EPM2A: variants seen among roughly 807,000 people sequenced by gnomAD.
The protein encoded by EPM2A is laforin.
Under a neutral mutation model 26.5 loss-of-function variants are expected in EPM2A, and 21 were observed. That is an observed-to-expected ratio of 0.79 (90% CI 0.56 to 1.14). EPM2A has a LOEUF of 1.14. Ranked by LOEUF, EPM2A falls within the 50% of genes most tolerant of loss-of-function variation. EPM2A has a pLI of 0.00. For synonymous variants in EPM2A, 217 were observed against 177.6 expected (o/e 1.22, Z -1.76); for missense variants, 458 against 440.8 (o/e 1.04, Z -0.35).
At chr6:145,660,875 C>T (rs1778652605) in intron 2 of EPM2A, among the ~76,000 whole-genome samples, 1 of 152,114 alleles carries the variant, frequency 6.6e-6, no homozygotes, top group Non-Finnish European at 1.5e-5. Context: ...GTCACCTAAT[C>T]AGCATATTTA....
downstream of EPM2A, among the ~76,000 whole-genome samples, chr6:145,620,788 G>T (rs890202705): frequency 2.6e-5 from 4 of 152,010 alleles, no homozygotes; most frequent in African/African-American, 9.7e-5. Context: ...ATTGCATATT[G>T]TTCAGTTTTT....
At chr6:145,490,718 A>G (rs1779743458) in intron 4 of EPM2A, 2 of 567,644 alleles carry the variant, frequency 3.5e-6, no homozygotes, top group African/African-American at 1.9e-5. Flanking sequence ...GAACCATTAC[A>G]TTTCTCACAA....
chr6:145,399,891 C>T (rs138271134), intron 4 of EPM2A, among the ~76,000 whole-genome samples: 3 of 152,302 alleles, frequency 2.0e-5, no homozygotes, highest in Non-Finnish European at 4.4e-5. Flanking sequence ...ATCCATTTTA[C>T]AAATCCTGCT....
chr6:145,672,856 T>C (rs539046438), intron 2 of EPM2A, among the ~76,000 whole-genome samples: 4 of 152,200 alleles, frequency 2.6e-5, no homozygotes, highest in South Asian at 2.1e-4. Flanking sequence ...AAAAAAGTAG[T>C]ATAGAAGGAA....
chr6:145,711,882 G>A (rs1176681697), intron 1 of EPM2A, among the ~76,000 whole-genome samples: 1 of 152,072 alleles, frequency 6.6e-6, no homozygotes, highest in Admixed American at 6.6e-5. Context: ...GAAAAACTAT[G>A]CACAGGTTTC....
intron 4 of EPM2A, among the ~76,000 whole-genome samples, chr6:145,423,673 G>A (rs775599674): frequency 5.3e-5 from 8 of 152,182 alleles, no homozygotes; most frequent in African/African-American, 1.4e-4. Context: ...GCCCACTCCC[G>A]GTGACCTTGC....
intron 4 of EPM2A, among the ~76,000 whole-genome samples, chr6:145,457,149 T>C (rs556487320): frequency 5.9e-5 from 9 of 152,268 alleles, no homozygotes; most frequent in African/African-American, 1.9e-4. Flanking sequence ...AAGCACAAAA[T>C]TAATTTGCCC....
chr6:145,615,369 C>T (rs113222776), intron 2 of EPM2A, among the ~76,000 whole-genome samples: 10,211 of 152,184 alleles, frequency 0.067, 1,156 homozygotes, highest in African/African-American at 0.23. Flanking sequence ...TTGTGAGGCC[C>T]TCCCAGCCAC....
downstream of EPM2A, among the ~76,000 whole-genome samples, chr6:145,624,360 TC>T (rs1775702046): frequency 6.6e-6 from 1 of 152,172 alleles, no homozygotes; most frequent in African/African-American, 2.4e-5. Context: ...AAGACACTGG[TC>T]TTTGCTTTTT....
intron 2 of EPM2A, among the ~76,000 whole-genome samples, chr6:145,517,345 A>G (rs1335530646): frequency 6.6e-6 from 1 of 151,008 alleles, no homozygotes; most frequent in Non-Finnish European, 1.5e-5. Flanking sequence ...ATGTGTTCTT[A>G]CCAAAATAAA....
intron 4 of EPM2A, among the ~76,000 whole-genome samples, chr6:145,402,868 T>C (rs908214279): frequency 6.6e-6 from 1 of 152,192 alleles, no homozygotes; most frequent in African/African-American, 2.4e-5. Flanking sequence ...ATGTCTGAGT[T>C]ACTTTCTATG....
At chr6:145,393,252 TA>T (rs1281423675) in intron 4 of EPM2A, among the ~76,000 whole-genome samples, 1 of 152,034 alleles carries the variant, frequency 6.6e-6, no homozygotes, top group Non-Finnish European at 1.5e-5. Context: ...TTACCAGGAA[TA>T]AACTGCAAAA....
At chr6:145,576,371 GC>G (rs66947489) in intron 2 of EPM2A, among the ~76,000 whole-genome samples, 54,988 of 151,972 alleles carry the variant, frequency 0.36, 10,398 homozygotes, top group South Asian at 0.51. Flanking sequence ...TGGAAATGAG[GC>G]CTTAGGGGCA....
intron 2 of EPM2A, among the ~76,000 whole-genome samples, chr6:145,671,833 A>G (rs1236479843): frequency 6.6e-6 from 1 of 152,244 alleles, no homozygotes; most frequent in African/African-American, 2.4e-5. Flanking sequence ...TAAAAGTATA[A>G]ACATGCTTTT....
chr6:145,508,317 C>T (rs1299750839), intron 2 of EPM2A, among the ~76,000 whole-genome samples: 2 of 152,210 alleles, frequency 1.3e-5, no homozygotes, highest in Non-Finnish European at 2.9e-5. Context: ...ATTGTTTCTG[C>T]CCATGCTAAG....
intron 4 of EPM2A, among the ~76,000 whole-genome samples, chr6:145,481,697 A>G (rs365515): frequency 0.55 from 83,975 of 151,930 alleles, 23,913 homozygotes; most frequent in African/African-American, 0.7. Context: ...CTGAAACTGT[A>G]GGATATAAGT....
At chr6:145,459,192 G>T (rs1779298230) in intron 4 of EPM2A, among the ~76,000 whole-genome samples, 1 of 152,182 alleles carries the variant, frequency 6.6e-6, no homozygotes, top group East Asian at 1.9e-4. Context: ...CAAAGAGAGG[G>T]GGTCAGTGGA....
At chr6:145,419,416 G>A (rs1778753574) in intron 4 of EPM2A, among the ~76,000 whole-genome samples, 1 of 152,076 alleles carries the variant, frequency 6.6e-6, no homozygotes, top group Non-Finnish European at 1.5e-5. Context: ...AATATTTAAA[G>A]CACAGGCAGA....
At chr6:145,644,986 G>A (rs1268807595) in intron 2 of EPM2A, among the ~76,000 whole-genome samples, 1 of 152,114 alleles carries the variant, frequency 6.6e-6, no homozygotes, top group Non-Finnish European at 1.5e-5. Flanking sequence ...ATTTAACAAG[G>A]AGAATTAAGT....
Sources: allele counts gnomAD v4.1 joint callset (sites outside exome capture counted in the v4.1 genomes callset), GRCh38; gene constraint gnomAD v4.1.1; transcripts MANE v1.5; gene names NCBI Gene and HGNC (gene_info 2026-07-23, HGNC 2026-07-21).